The following CA13 variants were observed in gnomAD, a reference collection of about 807,000 sequenced individuals.
CA13 encodes carbonic anhydrase 13.
A neutral mutation model predicts 31.5 loss-of-function variants in CA13; 21 were observed. That is an observed-to-expected ratio of 0.67 (90% confidence interval 0.47 to 0.96). The LOEUF (loss-of-function observed/expected upper bound fraction) is 0.96. Among genes scored for constraint, CA13 ranks in the 40% least tolerant of loss-of-function variants. The pLI is 0.00. For synonymous variants in CA13, 117 were observed against 111.4 expected (o/e 1.05, Z -0.32); for missense variants, 315 against 318.9 (o/e 0.99, Z 0.09).
chr8:85,280,516 G>A (rs747795844), intron 6 of CA13, among the ~76,000 whole-genome samples: 2 of 152,134 alleles, frequency 1.3e-5, no homozygotes, highest in African/African-American at 2.4e-5. Flanking sequence ...AGATTAGATG[G>A]TTAACAAAAT....
chr8:85,280,789 G>C lies in CA13; in HGVS notation c.670-441G>C, dbSNP rs536875618. ...TTCAGCAACAAAAAATAGTGATGTA[G>C]GTTGATATGTATTGGCATGCAAAGA... On this transcript the variant is annotated intron_variant, in intron 6 of 6. Transcript: ENST00000321764. Among the ~76,000 whole-genome samples the C allele has an allele frequency of 3.3e-5, 5 of 152,222 alleles. No homozygotes were observed. In the South Asian group the frequency reaches 1.0e-3, roughly 32 times the overall value.
intron 2 of CA13, among the ~76,000 whole-genome samples, chr8:85,257,749 C>T (rs1336134352): frequency 6.7e-6 from 1 of 149,074 alleles, no homozygotes; most frequent in African/African-American, 2.4e-5. Context: ...ACACTGCAAC[C>T]TCTGCTTTCT....
chr8:85,282,318 A>G lies in CA13; in HGVS notation c.*969A>G, dbSNP rs139173356. On this transcript the variant is annotated 3_prime_UTR_variant, in exon 7 of 7. Coordinates refer to ENST00000321764, the MANE Select transcript of CA13 (RefSeq NM_198584.3). ...GGATATAAATGGCTATTTACACTGTAATGAATTATACCATATATGATATTC... is the reference window on the plus strand; with the variant it reads ...GGATATAAATGGCTATTTACACTGTGATGAATTATACCATATATGATATTC... 1.3e-5 allele frequency: 2 copies of G among 152,784 alleles called. No homozygotes were observed. Among genetic ancestry groups the G allele is most frequent in the African/African-American group, 4.8e-5 (2 of 41,574 alleles). 9.5% of individuals were successfully genotyped at this position (152,784 alleles called of 1,614,324 possible). A position where few individuals can be genotyped will look rare whatever the true frequency, so the allele number is the denominator to read the frequency against.
intron 3 of CA13, among the ~76,000 whole-genome samples, chr8:85,260,194 T>G (rs1163152341): frequency 6.6e-6 from 1 of 152,250 alleles, no homozygotes; most frequent in Non-Finnish European, 1.5e-5. Flanking sequence ...CTAATAATAC[T>G]CTGTGCAGGA....
chr8:85,272,150 C>T (rs1280160455), intron 6 of CA13, among the ~76,000 whole-genome samples: 1 of 152,164 alleles, frequency 6.6e-6, no homozygotes, highest in Non-Finnish European at 1.5e-5. Flanking sequence ...TCACCATAGT[C>T]CTAGGCAACA....
At chr8:85,263,713 C>CT (rs1491015904) in intron 3 of CA13, among the ~76,000 whole-genome samples, 1 of 152,094 alleles carries the variant, frequency 6.6e-6, no homozygotes, top group African/African-American at 2.4e-5. Flanking sequence ...AATTCACTCT[C>CT]TGTTTTAGAC....
intron 6 of CA13, among the ~76,000 whole-genome samples, chr8:85,273,440 T>A (rs1807554203): frequency 6.6e-6 from 1 of 152,126 alleles, no homozygotes. Context: ...TTTCTCAGGC[T>A]GGGCGCAGTG....
chr8:85,268,410 T>G (rs1807483740), intron 5 of CA13, 62 bp from the exon 6 acceptor site: 2 of 1,441,178 alleles, frequency 1.4e-6, no homozygotes, highest in Admixed American at 3.5e-5. Flanking sequence ...GGATGTATGT[T>G]TTTTGAGGTC....
intron 3 of CA13, among the ~76,000 whole-genome samples, chr8:85,260,300 C>T (rs1807358786): frequency 6.6e-6 from 1 of 151,974 alleles, no homozygotes; most frequent in Admixed American, 6.6e-5. Flanking sequence ...TTACTAACAC[C>T]CAACTTTACC....
chr8:85,253,972 A>C (rs538330263), intron 2 of CA13, among the ~76,000 whole-genome samples: 1 of 152,300 alleles, frequency 6.6e-6, no homozygotes, highest in African/African-American at 2.4e-5. Context: ...TCAGAAAATA[A>C]AAAGATAAAT....
In CA13 at chr8:85,261,890, G is replaced by A. The variant is rs141232458; in HGVS notation, c.354+2351G>A. 4.6e-3 allele frequency among the ~76,000 whole-genome samples: 693 copies of A among 151,956 alleles called. 5 individuals carry two copies. The highest frequency in any genetic ancestry group is 0.01 in the Middle Eastern group (3 of 294). On this transcript the variant is annotated intron_variant, in intron 3 of 6. Transcript: ENST00000321764. Reference sequence around the variant, plus strand: ...AGACAGGCTCTCGATCTGTTGCCCAGGCTAGAGTGCCATGGTACAAACATG... The same window carrying A: ...AGACAGGCTCTCGATCTGTTGCCCAAGCTAGAGTGCCATGGTACAAACATG...
rs954223089 is a variant in CA13, at chr8:85,267,935, A to G, written c.484A>G (p.Thr162Ala). 2 of 1,597,048 alleles carry G rather than the reference A, an allele frequency of 1.3e-6. No individual in the cohort carries two copies. The highest frequency in any genetic ancestry group is 1.7e-6 in the Non-Finnish European group (2 of 1,167,942). Residue 162 changes from threonine (T) to alanine (A), a missense_variant, in exon 5 of 7, where the codon ACT (threonine) becomes GCT (alanine). Physicochemically the swap from Thr to Ala is moderately conservative, Grantham distance 58. Coordinates refer to ENST00000321764, the MANE Select transcript of CA13 (RefSeq NM_198584.3). ...ACCTAATTCCCAACTGCAAAAGATTACTGACACTTTGGATTCCATTAAAGA... is the reference window on the plus strand; with the variant it reads ...ACCTAATTCCCAACTGCAAAAGATTGCTGACACTTTGGATTCCATTAAAGA... ...GEPNSQLQKITDTLDSIKEKG... is the reference protein window; with the variant it reads ...GEPNSQLQKIADTLDSIKEKG...
chr8:85,255,342 A>C (rs1374793818), intron 2 of CA13, among the ~76,000 whole-genome samples: 1 of 151,470 alleles, frequency 6.6e-6, no homozygotes, highest in East Asian at 1.9e-4. Flanking sequence ...AGCTCACTAC[A>C]ACCTCTGCCT....
At chr8:85,274,367 G>T (rs959884551) in intron 6 of CA13, among the ~76,000 whole-genome samples, 2 of 152,118 alleles carry the variant, frequency 1.3e-5, no homozygotes, top group Admixed American at 1.3e-4. Flanking sequence ...TAACACAGGG[G>T]AGAAACAGGA....
intron 6 of CA13, among the ~76,000 whole-genome samples, chr8:85,275,425 C>T (rs1314422946): frequency 6.6e-6 from 1 of 152,118 alleles, no homozygotes; most frequent in African/African-American, 2.4e-5. Flanking sequence ...CTACCATGGC[C>T]ACTGTTGACT....
Position 85,259,039 on chromosome 8 carries a change from ACTGCT to A in CA13, c.236-379_236-375del, listed in dbSNP as rs1333104096. 2.6e-5 allele frequency among the ~76,000 whole-genome samples: 4 copies of A among 152,172 alleles called. No individual in the cohort carries two copies. The East Asian group carries it at 7.7e-4, about 29-fold the overall frequency. ...GCCTGTGCTCAAACCACAATGCTGC[ACTGCT>A]CTACCAAGCTCAAACTGGACCTGTC... On this transcript the variant is annotated intron_variant, in intron 2 of 6. Transcript: ENST00000321764.
At chr8:85,256,101 T>G (rs1807291113) in intron 2 of CA13, among the ~76,000 whole-genome samples, 1 of 152,046 alleles carries the variant, frequency 6.6e-6, no homozygotes, top group African/African-American at 2.4e-5. Flanking sequence ...TTGGGATGCC[T>G]TAGCATACAT....
chr8:85,264,971 G>A (rs781693647), intron 3 of CA13, among the ~76,000 whole-genome samples: 2 of 152,138 alleles, frequency 1.3e-5, no homozygotes, highest in Non-Finnish European at 2.9e-5. Context: ...TGTGCATGAT[G>A]CACTGTTTTA....
At chr8:85,265,540 A>C (rs1587540888) in intron 3 of CA13, among the ~76,000 whole-genome samples, 1 of 149,272 alleles carries the variant, frequency 6.7e-6, no homozygotes, top group Non-Finnish European at 1.5e-5. Context: ...CAGGCCCCCC[A>C]CCTCCTTCCC....
Sources: allele counts gnomAD v4.1 joint callset (sites outside exome capture counted in the v4.1 genomes callset), GRCh38; gene constraint gnomAD v4.1.1; transcripts MANE v1.5; gene names NCBI Gene and HGNC (gene_info 2026-07-23, HGNC 2026-07-21).